The following TNIP1 variants were observed in gnomAD, a reference collection of about 807,000 sequenced individuals.
The protein encoded by TNIP1 is TNFAIP3-interacting protein 1.
In TNIP1, 22 loss-of-function variants were observed where a neutral mutation model predicts 86.6. The observed-to-expected ratio is 0.25, with a 90% CI of 0.18 to 0.36. The LOEUF (loss-of-function observed/expected upper bound fraction) is 0.36. Ranked by LOEUF, TNIP1 falls within the 10% of genes least tolerant of loss-of-function variation. The pLI is 1.00. For synonymous variants in TNIP1, 294 were observed against 313.0 expected (o/e 0.94, Z 0.64); for missense variants, 709 against 820.6 (o/e 0.86, Z 1.66).
intron 11 of TNIP1, among the ~76,000 whole-genome samples, chr5:151,042,301 A>C (rs1400824398): frequency 1.3e-5 from 2 of 152,132 alleles, no homozygotes; most frequent in Non-Finnish European, 2.9e-5. Context: ...ATTTTAATGG[A>C]ACAAAAAGTT....
At chr5:151,058,685 A>G (rs183048802) in intron 5 of TNIP1, among the ~76,000 whole-genome samples, 3 of 152,244 alleles carry the variant, frequency 2.0e-5, no homozygotes, top group Admixed American at 1.3e-4. Flanking sequence ...CAGCTCCTCC[A>G]GCAGCCTCCC....
chr5:151,059,828 A>T (rs28505918), intron 5 of TNIP1, among the ~76,000 whole-genome samples: 4,023 of 53,694 alleles, frequency 0.075, 97 homozygotes, highest in East Asian at 0.18. Context: ...AGAGAGAGAG[A>T]GTGTGTGTGT....
Position 151,052,264 on chromosome 5 carries a change from G to A in TNIP1, c.628-5C>T, listed in dbSNP as rs1350893778. 1.2e-6 allele frequency: 2 copies of A among 1,612,740 alleles called. No homozygotes were observed. Among genetic ancestry groups the A allele is most frequent in the South Asian group, 1.1e-5 (1 of 90,830 alleles). ...CCGAAGCTGCTCACACAGGGTCTGTGGGGCAGGGGAACAGACAGGGTGAGG... is the reference window on the plus strand; with the variant it reads ...CCGAAGCTGCTCACACAGGGTCTGTAGGGCAGGGGAACAGACAGGGTGAGG... On this transcript the variant is annotated splice_polypyrimidine_tract_variant and splice_region_variant and intron_variant, in intron 6 of 17. Transcript: ENST00000521591.
chr5:151,082,907 A>ATGGAGCC (rs1312536531), upstream of TNIP1, among the ~76,000 whole-genome samples: 2 of 152,228 alleles, frequency 1.3e-5, no homozygotes, highest in African/African-American at 4.8e-5. Flanking sequence ...GTTAGAGACC[A>ATGGAGCC]TGGAGCCCAT....
chr5:151,057,040 T>C, intron 5 of TNIP1, 83 bp from the exon 6 acceptor site: 1 of 1,263,300 alleles, frequency 7.9e-7, no homozygotes, highest in Non-Finnish European at 1.0e-6. Context: ...TGCTTCCTCA[T>C]TTCTCATGAC....
At chr5:151,076,476 G>C (rs1452784950) in intron 1 of TNIP1, among the ~76,000 whole-genome samples, 1 of 147,596 alleles carries the variant, frequency 6.8e-6, no homozygotes, top group Non-Finnish European at 1.5e-5. Context: ...ACTTGGAAGA[G>C]AATGCCCTGA....
intron 14 of TNIP1, 124 bp from the exon 15 acceptor site, chr5:151,035,191 G>A: frequency 2.6e-6 from 3 of 1,149,546 alleles, no homozygotes; most frequent in Non-Finnish European, 3.8e-6. Context: ...CACCATGCGT[G>A]GGCCAGCCCC....
At chr5:151,085,455 G>A (rs75981253), upstream of TNIP1, among the ~76,000 whole-genome samples, 2,388 of 152,310 alleles carry the variant, frequency 0.016, 58 homozygotes, top group African/African-American at 0.054. Context: ...AGCTGGGCCT[G>A]GAAGGCATTG....
rs1454307661 is a variant in TNIP1, at chr5:151,035,598, G to A, written c.1505C>T (p.Thr502Ile). 4 of 1,614,206 alleles carry A rather than the reference G, an allele frequency of 2.5e-6. No homozygotes were observed. The highest frequency in any genetic ancestry group is 2.2e-5 in the East Asian group (1 of 44,870). The stretch of plus-strand genomic sequence containing the variant: ...CACTCTTACCTGGGCATTTGACAGG[G>A]TGACCTGGGCCTGCAGCTTCTCCAC... ...KQVEKLQAQV[T>I]LSNAQLKAFK... is the part of the protein sequence containing the mutation. The change falls in exon 14 of 18, where the codon ACC becomes ATC. Residue 502 changes from threonine (T) to isoleucine (I), a missense_variant. By Grantham distance (89) the Thr-to-Ile change is moderately conservative. Transcript: ENST00000521591.
intron 4 of TNIP1, among the ~76,000 whole-genome samples, chr5:151,061,132 C>A (rs1328175701): frequency 6.6e-6 from 1 of 152,242 alleles, no homozygotes; most frequent in African/African-American, 2.4e-5. Context: ...GGTCATTCAA[C>A]CAACCAAGAA....
chr5:151,033,483 C>G (rs759997132), intron 16 of TNIP1, 125 bp downstream of exon 16: 1 of 622,334 alleles, frequency 1.6e-6, no homozygotes, highest in East Asian at 3.2e-5. Context: ...CACCCACCTG[C>G]CACCACGGTG....
intron 1 of TNIP1, among the ~76,000 whole-genome samples, chr5:151,069,132 T>C (rs977102960): frequency 1.2e-4 from 18 of 152,266 alleles, no homozygotes; most frequent in South Asian, 2.1e-4. Flanking sequence ...AGCCACCCAC[T>C]AGCAGGCAAG....
In TNIP1 at chr5:151,030,623, C is replaced by G. The variant is rs1268261650; in HGVS notation, c.*90G>C. 1 of 1,600,898 alleles carries G rather than the reference C, an allele frequency of 6.2e-7. No individual in the cohort carries two copies. ...CCTCTCATCCAGCTGAGGCTCTGGC[C>G]ACACCGTGCAAGTGGCTTCTAGTTT... On this transcript the variant is annotated 3_prime_UTR_variant, in exon 18 of 18. Transcript: ENST00000521591.
chr5:151,060,228 T>G lies in TNIP1; in HGVS notation c.435+90A>C, dbSNP rs1490390096. On this transcript the variant is annotated intron_variant, in intron 5 of 17. Coordinates refer to ENST00000521591, the MANE Select transcript of TNIP1 (RefSeq NM_006058.5). ...GTGACTCCAGGGTACCTAAGGGATC[T>G]GAACAGGTTCTGTGCCTCTCACATG... The G allele has an allele frequency of 2.1e-6, 3 of 1,403,548 alleles. No homozygotes were observed. The Admixed American group carries it at 5.1e-5, about 24-fold the overall frequency. The allele number at this position is 1,403,548 out of a possible 1,614,324, so 86.9% of individuals were successfully genotyped here. A position where few individuals can be genotyped will look rare whatever the true frequency, so the allele number is the denominator to read the frequency against.
intron 8 of TNIP1, 125 bp from the exon 9 acceptor site, chr5:151,046,075 C>G: frequency 2.6e-6 from 2 of 760,694 alleles, no homozygotes; most frequent in South Asian, 3.1e-5. Context: ...TTCCTCCCAC[C>G]CAGCAGGACA....
intron 13 of TNIP1, among the ~76,000 whole-genome samples, chr5:151,036,471 T>C (rs988493051): frequency 5.9e-5 from 9 of 152,256 alleles, no homozygotes; most frequent in Non-Finnish European, 1.2e-4. Context: ...AAATAATAAA[T>C]GGTTTTTTCC....
At chr5:151,042,429 C>T (rs1271418732) in intron 11 of TNIP1, 111 bp downstream of exon 11, 47 of 1,459,026 alleles carry the variant, frequency 3.2e-5, no homozygotes, top group Admixed American at 2.6e-4. Flanking sequence ...CTAGCTCTTT[C>T]GCACTAGACC....
chr5:151,042,649 A>G lies in TNIP1; in HGVS notation c.1025T>C (p.Leu342Pro). The G allele has an allele frequency of 6.2e-7, 1 of 1,613,984 alleles. No individual in the cohort carries two copies. The highest frequency in any genetic ancestry group is 2.2e-5 in the East Asian group (1 of 44,888). ...EQKITELRQK[L>P]ADLQKQVTDL... is the part of the protein sequence containing the mutation. ...AGTCACCTGCTTCTGCAAATCAGCC[A>G]GCTTCTGACGCAGCTCAGTGATCTG... The change falls in exon 11 of 18, where the codon CTG (leucine) becomes CCG (proline). Residue 342 changes from leucine to proline, a missense_variant. Physicochemically the swap from Leu to Pro is moderately conservative, Grantham distance 98. Transcript: ENST00000521591.
intron 4 of TNIP1, 81 bp downstream of exon 4, chr5:151,062,046 T>C: frequency 7.6e-7 from 1 of 1,322,928 alleles, no homozygotes; most frequent in South Asian, 1.2e-5. Flanking sequence ...CTCAACCCTC[T>C]TTCTTCATGT....
Sources: gnomAD v4.1 joint callset for allele counts (sites outside exome capture counted in the v4.1 genomes callset) on GRCh38, gnomAD v4.1.1 for gene constraint, MANE v1.5 for transcripts, NCBI Gene and HGNC (gene_info 2026-07-23, HGNC 2026-07-21) for gene names.